Variants in SNTG1 observed in about 807,000 individuals in gnomAD.
SNTG1 encodes the protein gamma-1-syntrophin.
A neutral mutation model predicts 74.7 loss-of-function variants in SNTG1; 39 were observed. The observed-to-expected ratio is 0.52, with a 90% CI of 0.40 to 0.68. The LOEUF (loss-of-function observed/expected upper bound fraction) is 0.68, where lower values mean the gene tolerates loss of function less well. SNTG1 is among the 30% of genes least tolerant of loss of function. SNTG1 has a pLI of 0.00. For synonymous variants in SNTG1, 254 were observed against 217.1 expected (o/e 1.17, Z -1.49); for missense variants, 685 against 609.5 (o/e 1.12, Z -1.30).
At chr8:50,438,705 C>A in intron 5 of SNTG1, 106 bp downstream of exon 5, 2 of 884,640 alleles carry the variant, frequency 2.3e-6, no homozygotes, top group South Asian at 1.5e-5. Context: ...ATGGCTATAG[C>A]AAACTCCTTA....
chr8:50,304,958 A>T (rs969112015), intron 2 of SNTG1, among the ~76,000 whole-genome samples: 5 of 151,940 alleles, frequency 3.3e-5, no homozygotes, highest in Non-Finnish European at 7.4e-5. Flanking sequence ...GCTGGAGTGC[A>T]ATGGCATGAT....
intron 12 of SNTG1, among the ~76,000 whole-genome samples, chr8:50,553,577 G>A (rs1397223886): frequency 6.6e-6 from 1 of 152,150 alleles, no homozygotes; most frequent in African/African-American, 2.4e-5. Flanking sequence ...GAGGAAAGGA[G>A]TTAGCATAGA....
chr8:50,494,299 C>A (rs2093884761), intron 8 of SNTG1, among the ~76,000 whole-genome samples: 1 of 151,866 alleles, frequency 6.6e-6, no homozygotes, highest in Non-Finnish European at 1.5e-5. Context: ...TGCTGAATTC[C>A]ATATGCTAAT....
chr8:50,076,549 C>G (rs1488066897), intron 1 of SNTG1, among the ~76,000 whole-genome samples: 1 of 151,984 alleles, frequency 6.6e-6, no homozygotes, highest in Non-Finnish European at 1.5e-5. Flanking sequence ...AAATACAAAT[C>G]AAGAGATAGA....
At chr8:50,472,990 C>A (rs2093665354) in intron 8 of SNTG1, among the ~76,000 whole-genome samples, 1 of 152,100 alleles carries the variant, frequency 6.6e-6, no homozygotes, top group Non-Finnish European at 1.5e-5. Context: ...TATTCTCAAA[C>A]CAGTTAGGAA....
In SNTG1 at chr8:50,416,495, G is replaced by C. The variant is rs566141797; in HGVS notation, c.162+14151G>C. Among the ~76,000 whole-genome samples, 4 of 152,192 alleles carry C rather than the reference G, an allele frequency of 2.6e-5. No individual in the cohort carries two copies. The East Asian group carries it at 7.7e-4, about 29-fold the overall frequency. ...TTGAAATATGTATTAAACAATAGTG[G>C]TGATTTATTTTTCTTCTTTATGGTT... is the stretch of plus-strand genomic sequence containing the variant. On this transcript the variant is annotated intron_variant, in intron 4 of 18. Transcript: ENST00000642720.
chr8:50,557,963 C>T (rs960341750), intron 12 of SNTG1, among the ~76,000 whole-genome samples: 3 of 152,206 alleles, frequency 2.0e-5, no homozygotes, highest in East Asian at 3.9e-4. Flanking sequence ...ATCGGGATAT[C>T]GCCTCCTTCC....
chr8:50,137,382 T>A (rs1433560225), intron 1 of SNTG1, among the ~76,000 whole-genome samples: 2 of 152,186 alleles, frequency 1.3e-5, no homozygotes, highest in African/African-American at 4.8e-5. Context: ...CAGCTCTCAC[T>A]GCCTGTAGTC....
rs147403110 is a variant in SNTG1, at chr8:50,233,468, T to C, written c.-28+60833T>C. Among the ~76,000 whole-genome samples the C allele has an allele frequency of 3.2e-3, 481 of 151,794 alleles. 4 individuals are homozygous for C. Among genetic ancestry groups the C allele is most frequent in the Non-Finnish European group, 6.0e-3 (403 of 67,680 alleles). The stretch of plus-strand genomic sequence containing the variant: ...TTCAGCCTTTAACTCTATAAAACTT[T>C]GAGAATAAAATATAGGAGAAAATAC... On this transcript the variant is annotated intron_variant, in intron 2 of 18. Transcript: ENST00000642720.
chr8:50,529,636 C>T (rs1186156501), intron 9 of SNTG1, among the ~76,000 whole-genome samples: 1 of 151,988 alleles, frequency 6.6e-6, no homozygotes, highest in Non-Finnish European at 1.5e-5. Flanking sequence ...TATTAGTAGG[C>T]ATCTCATTAA....
Position 50,792,817 on chromosome 8 carries a change from G to A in SNTG1, c.1542G>A (p.Lys514=), listed in dbSNP as rs1563844237. The A allele has an allele frequency of 6.8e-6, 11 of 1,611,638 alleles. No homozygotes were observed. The highest frequency in any genetic ancestry group is 9.3e-6 in the Non-Finnish European group (11 of 1,178,492). The change falls in exon 19 of 19, where the codon AAG becomes AAA. Residue 514 remains lysine (K), a synonymous_variant. Transcript: ENST00000642720. ...GCTCTGCTACCACGAGCAAAGCAAA[G>A]TATACAACTTGACATACTGAACTCT... is the stretch of plus-strand genomic sequence containing the variant. ...AASSATTSKA[K]YTT
chr8:50,650,626 T>A (rs1301136062), intron 13 of SNTG1, among the ~76,000 whole-genome samples: 2 of 152,180 alleles, frequency 1.3e-5, no homozygotes, highest in African/African-American at 4.8e-5. Context: ...AATTATAGGA[T>A]TCTATATTTA....
chr8:50,353,585 A>G (rs1332688532), intron 2 of SNTG1, among the ~76,000 whole-genome samples: 1 of 152,146 alleles, frequency 6.6e-6, no homozygotes, highest in Non-Finnish European at 1.5e-5. Flanking sequence ...AGATATGACA[A>G]GTGAGTTTGG....
At chr8:49,983,140 T>A (rs895269008) in intron 1 of SNTG1, among the ~76,000 whole-genome samples, 3 of 152,184 alleles carry the variant, frequency 2.0e-5, no homozygotes, top group African/African-American at 7.2e-5. Context: ...TATGCCATAG[T>A]TATGCAATCA....
intron 18 of SNTG1, among the ~76,000 whole-genome samples, chr8:50,773,141 T>C (rs756897178): frequency 1.1e-4 from 17 of 152,148 alleles, no homozygotes; most frequent in Admixed American, 2.0e-4. Context: ...CTCAGACCTT[T>C]CTCATTGGAA....
At chr8:49,960,151 A>T (rs1810549072) in intron 1 of SNTG1, among the ~76,000 whole-genome samples, 1 of 152,220 alleles carries the variant, frequency 6.6e-6, no homozygotes, top group Non-Finnish European at 1.5e-5. Context: ...TTTGGAGAAT[A>T]GATTTGGTTT....
intron 9 of SNTG1, among the ~76,000 whole-genome samples, chr8:50,516,944 A>C (rs1012095216): frequency 5.3e-5 from 8 of 152,166 alleles, no homozygotes; most frequent in African/African-American, 1.9e-4. Context: ...AATACAGAGA[A>C]CACCACAAAG....
chr8:50,718,699 C>A (rs1299943260), intron 17 of SNTG1, among the ~76,000 whole-genome samples: 1 of 152,174 alleles, frequency 6.6e-6, no homozygotes, highest in Non-Finnish European at 1.5e-5. Context: ...GTTGAGGCCA[C>A]TATCAAGTGG....
At chr8:50,445,541 T>C (rs1280814428) in intron 5 of SNTG1, among the ~76,000 whole-genome samples, 1 of 152,162 alleles carries the variant, frequency 6.6e-6, no homozygotes, top group African/African-American at 2.4e-5. Context: ...CAAAATGCTT[T>C]AGATGGAATT....
Sources: allele counts gnomAD v4.1 joint callset (sites outside exome capture counted in the v4.1 genomes callset), GRCh38; gene constraint gnomAD v4.1.1; transcripts MANE v1.5; gene names NCBI Gene and HGNC (gene_info 2026-07-23, HGNC 2026-07-21).